Variants in CADPS observed in about 807,000 individuals in gnomAD.
CADPS encodes the protein calcium-dependent secretion activator 1.
Under a neutral mutation model 167.3 loss-of-function variants are expected in CADPS, and 57 were observed. That is an observed-to-expected ratio of 0.34 (90% CI 0.28 to 0.42). The LOEUF is 0.42. CADPS is among the 20% of genes least tolerant of loss of function. CADPS has a pLI of 1.00. For synonymous variants in CADPS, 676 were observed against 635.3 expected (o/e 1.06, Z -0.96); for missense variants, 1,414 against 1,738.1 (o/e 0.81, Z 3.32).
chr3:62,488,522 C>T (rs1359377286), intron 21 of CADPS, among the ~76,000 whole-genome samples: 1 of 151,746 alleles, frequency 6.6e-6, no homozygotes, highest in Non-Finnish European at 1.5e-5. Flanking sequence ...AATAGGGACT[C>T]ACTCTGTCAC....
chr3:62,408,784 A>G (rs554705654), intron 28 of CADPS, among the ~76,000 whole-genome samples: 1 of 152,338 alleles, frequency 6.6e-6, no homozygotes, highest in South Asian at 2.1e-4. Flanking sequence ...AGTGGAAACA[A>G]GGAGTAGTGG....
Position 62,826,566 on chromosome 3 carries a change from A to G in CADPS, c.441+48023T>C, listed in dbSNP as rs150004273. ...GGGCAGAAAGTGGTCTGGGAAAAGTAACTTGTAACCTTGCTATTTCATATC... is the reference window on the plus strand; with the variant it reads ...GGGCAGAAAGTGGTCTGGGAAAAGTGACTTGTAACCTTGCTATTTCATATC... On this transcript the variant is annotated intron_variant, in intron 1 of 29. Transcript: ENST00000383710. Among the ~76,000 whole-genome samples, 404 of 152,310 alleles carry G rather than the reference A, an allele frequency of 2.7e-3. 4 individuals carry two copies. Among genetic ancestry groups the G allele is most frequent in the African/African-American group, 9.4e-3 (392 of 41,580 alleles).
At chr3:62,427,534 T>C (rs1459312490) in intron 28 of CADPS, among the ~76,000 whole-genome samples, 3 of 152,144 alleles carry the variant, frequency 2.0e-5, no homozygotes, top group African/African-American at 4.8e-5. Context: ...TACAGGAGGT[T>C]CAGCACTGGC....
intron 13 of CADPS, 49 bp from the exon 14 acceptor site, chr3:62,518,299 CA>C (rs1261865655): frequency 7.5e-7 from 1 of 1,336,784 alleles, no homozygotes; most frequent in South Asian, 1.2e-5. Flanking sequence ...ATGCTGACAC[CA>C]TCAAATCAAA....
intron 14 of CADPS, among the ~76,000 whole-genome samples, chr3:62,517,915 G>A (rs1223571066): frequency 6.6e-6 from 1 of 152,140 alleles, no homozygotes; most frequent in Non-Finnish European, 1.5e-5. Context: ...GTTGACCAGG[G>A]TCAGCTCAAA....
chr3:62,766,094 T>C (rs117046434), intron 1 of CADPS, 110 bp from the exon 2 acceptor site: 17,946 of 647,318 alleles, frequency 0.028, 366 homozygotes, highest in South Asian at 0.064. Context: ...CTGGCTTGTA[T>C]AGGTGTGTGA....
At position 62,478,671 on chromosome 3, in the gene CADPS, A is replaced by G. The variant is rs1045575371; in HGVS notation, c.3174-255T>C. Among the ~76,000 whole-genome samples, 5 of 152,216 alleles carry G rather than the reference A, an allele frequency of 3.3e-5. No individual in the cohort carries two copies. The highest frequency in any genetic ancestry group is 7.3e-5 in the Non-Finnish European group (5 of 68,032). On this transcript the variant is annotated intron_variant, in intron 22 of 29. Transcript: ENST00000383710. The surrounding 1 kb of genome is among the most constrained non-coding windows in gnomAD (Gnocchi z 5.7). ...GGGAAGGTGTTGCCCCATAACAACC[A>G]GGAGAATGGTGTATGGTAAAAATCA...
At chr3:62,426,991 C>T (rs541629068) in intron 28 of CADPS, among the ~76,000 whole-genome samples, 3 of 150,332 alleles carry the variant, frequency 2.0e-5, no homozygotes, top group East Asian at 2.0e-4. Flanking sequence ...AGGAGAATGG[C>T]GTGAACACAG....
intron 8 of CADPS, among the ~76,000 whole-genome samples, chr3:62,575,446 A>G (rs375427593): frequency 5.3e-5 from 8 of 152,208 alleles, no homozygotes; most frequent in African/African-American, 1.9e-4. Context: ...CATCTTTACA[A>G]TGGGGATAAT....
chr3:62,513,616 T>C (rs1345253523), intron 16 of CADPS: 3 of 1,459,648 alleles, frequency 2.1e-6, no homozygotes, highest in Admixed American at 1.8e-5. Context: ...GACAGCATGG[T>C]GAGGAGGTGG....
chr3:62,551,718 C>T lies in CADPS; in HGVS notation c.1754-1603G>A, dbSNP rs1299269129. On this transcript the variant is annotated intron_variant, in intron 10 of 29. Coordinates refer to ENST00000383710, the MANE Select transcript of CADPS (RefSeq NM_003716.4). ...ATGTACTCACTTCATTGCAGCCACA[C>T]TGGCCTCTTGCTCTTCCTTGAACAC... is the stretch of plus-strand genomic sequence containing the variant. Among the ~76,000 whole-genome samples the T allele has an allele frequency of 4.6e-5, 7 of 152,212 alleles. No homozygotes were observed. The East Asian group carries it at 1.3e-3, about 29-fold the overall frequency.
intron 28 of CADPS, among the ~76,000 whole-genome samples, chr3:62,430,491 T>G (rs2053700050): frequency 6.6e-6 from 1 of 152,198 alleles, no homozygotes; most frequent in East Asian, 1.9e-4. Context: ...GGAATTCGAG[T>G]GGCCCTGGAG....
At chr3:62,410,111 A>G (rs1040066275) in intron 28 of CADPS, among the ~76,000 whole-genome samples, 4 of 152,254 alleles carry the variant, frequency 2.6e-5, no homozygotes, top group South Asian at 4.1e-4. Flanking sequence ...TGAGGGAAAT[A>G]TTTCACCCAA....
In CADPS at chr3:62,582,388, G is replaced by A. The variant is rs552562725; in HGVS notation, c.1577+2797C>T. On this transcript the variant is annotated intron_variant, in intron 8 of 29. Transcript: ENST00000383710. ...TTGAGCCTGGGAGGCAGAGGCTGCA[G>A]TGAGCAGAGATCACACCGCTGCACT... Among the ~76,000 whole-genome samples, 643 of 152,306 alleles carry A rather than the reference G, an allele frequency of 4.2e-3. 4 individuals are homozygous for A. Among genetic ancestry groups the A allele is most frequent in the African/African-American group, 0.014 (584 of 41,574 alleles).
chr3:62,561,063 A>G (rs2079062315), intron 9 of CADPS, among the ~76,000 whole-genome samples: 1 of 117,238 alleles, frequency 8.5e-6, no homozygotes. Flanking sequence ...TGGGAGAAAG[A>G]GCGAAACTCC....
At chr3:62,611,928 T>C (rs913859049) in intron 6 of CADPS, among the ~76,000 whole-genome samples, 4 of 152,186 alleles carry the variant, frequency 2.6e-5, no homozygotes, top group Non-Finnish European at 2.9e-5. Context: ...ATTTCTGTTT[T>C]TGTTTGCTTA....
intron 1 of CADPS, among the ~76,000 whole-genome samples, chr3:62,780,364 C>G (rs1199767229): frequency 6.6e-6 from 1 of 151,982 alleles, no homozygotes; most frequent in Non-Finnish European, 1.5e-5. Context: ...GCTGCAGTGA[C>G]CTATGACAGC....
intron 1 of CADPS, among the ~76,000 whole-genome samples, chr3:62,801,693 C>A (rs1286166402): frequency 6.6e-6 from 1 of 152,042 alleles, no homozygotes; most frequent in Admixed American, 6.6e-5. Context: ...GTGTTGTTCA[C>A]AAATCATCTC....
chr3:62,710,274 T>TG (rs2083145575), intron 3 of CADPS, among the ~76,000 whole-genome samples: 1 of 149,428 alleles, frequency 6.7e-6, no homozygotes, highest in South Asian at 2.1e-4. Flanking sequence ...TGGCCTCAAC[T>TG]GGGGTGGGGG....
Sources: gnomAD v4.1 joint callset for allele counts (sites outside exome capture counted in the v4.1 genomes callset) on GRCh38, gnomAD v4.1.1 for gene constraint, Gnocchi (gnomAD v3.1) non-coding constraint, MANE v1.5 for transcripts, NCBI Gene and HGNC (gene_info 2026-07-23, HGNC 2026-07-21) for gene names.